Variants in TMEM114 observed in about 807,000 individuals in gnomAD.
The protein encoded by TMEM114 is claudin-26.
Under a neutral mutation model 6.2 loss-of-function variants are expected in TMEM114, and 6 were observed. That is an observed-to-expected ratio of 0.97 (90% CI 0.53 to 1.91). TMEM114 has a LOEUF of 1.91. Among genes scored for constraint, TMEM114 ranks in the 40% most tolerant of loss-of-function variants. TMEM114 has a pLI of 0.01. For synonymous variants in TMEM114, 104 were observed against 73.0 expected, an observed-to-expected ratio of 1.42 and a Z score of -2.16; for missense variants, 218 against 158.3, an observed-to-expected ratio of 1.38 and a Z score of -2.02.
At chr16:8,529,281 G>A in the TMEM114 span, among the ~76,000 whole-genome samples, 1 of 152,170 alleles carries the variant, frequency 6.6e-6, no homozygotes, top group Non-Finnish European at 1.5e-5. Context: ...AAAGTTGAGT[G>A]CAGCTATTCC....
intron 2 of TMEM114, among the ~76,000 whole-genome samples, chr16:8,548,861 G>C (rs978158547): frequency 1.3e-5 from 2 of 152,152 alleles, no homozygotes; most frequent in Non-Finnish European, 2.9e-5. Context: ...GAGTGAGAGA[G>C]AGAGATCCAG....
chr16:8,574,329 G>C (rs1031444576), intron 2 of TMEM114, among the ~76,000 whole-genome samples: 1 of 152,126 alleles, frequency 6.6e-6, no homozygotes. Flanking sequence ...GCAGTGTTGC[G>C]TCCCGTAGAG....
At chr16:8,542,820 TTCCCCACATCC>T (rs1900554433) in intron 2 of TMEM114, among the ~76,000 whole-genome samples, 3 of 152,172 alleles carry the variant, frequency 2.0e-5, no homozygotes, top group Admixed American at 2.0e-4. Context: ...CTCCCAGCTC[TTCCCCACATCC>T]TCCCTCTGCA....
At chr16:8,560,748 C>T (rs1174157920) in intron 2 of TMEM114, among the ~76,000 whole-genome samples, 2 of 152,150 alleles carry the variant, frequency 1.3e-5, no homozygotes, top group Non-Finnish European at 2.9e-5. Context: ...CTCACTATGT[C>T]TGGGATCCCC....
chr16:8,565,994 G>GGAACA (rs1901529893), downstream of TMEM114, among the ~76,000 whole-genome samples: 1 of 152,156 alleles, frequency 6.6e-6, no homozygotes, highest in African/African-American at 2.4e-5. Flanking sequence ...AAGACAGAAT[G>GGAACA]GAACAGAACA....
In TMEM114 at chr16:8,590,042, G is replaced by T. The variant is rs1226774411; in HGVS notation, c.-204C>A. 6 of 379,048 alleles carry T rather than the reference G, an allele frequency of 1.6e-5. No homozygotes were observed. Among genetic ancestry groups the T allele is most frequent in the East Asian group, 3.8e-5 (1 of 26,152 alleles). 23.5% of individuals were successfully genotyped at this position (379,048 alleles called of 1,614,324 possible). Reference sequence around the variant, plus strand: ...CACCTGCCGGCTCCGACCTGCACGCGCCCCCCGCTCAGCCGCCGTCCACGT... The same window carrying T: ...CACCTGCCGGCTCCGACCTGCACGCTCCCCCCGCTCAGCCGCCGTCCACGT... On this transcript the variant is annotated 5_prime_UTR_variant, in exon 1 of 4. Transcript: ENST00000620492.
At chr16:8,564,289 A>C (rs1436492701) in intron 2 of TMEM114, among the ~76,000 whole-genome samples, 5 of 123,354 alleles carry the variant, frequency 4.1e-5, no homozygotes, top group Admixed American at 2.5e-4. Flanking sequence ...GAGTGATGAA[A>C]TAAGTGAATG....
intron 2 of TMEM114, among the ~76,000 whole-genome samples, chr16:8,577,898 A>G (rs1267076228): frequency 6.6e-6 from 1 of 152,074 alleles, no homozygotes; most frequent in Non-Finnish European, 1.5e-5. Context: ...AAAGCACTGA[A>G]CTCAATCCTG....
At chr16:8,559,960 G>C (rs1201965225) in intron 2 of TMEM114, among the ~76,000 whole-genome samples, 2 of 152,132 alleles carry the variant, frequency 1.3e-5, no homozygotes, top group Non-Finnish European at 2.9e-5. Flanking sequence ...ACCGGGCTTT[G>C]CGTCTCTGTT....
chr16:8,544,763 G>A (rs1444168746), intron 2 of TMEM114, among the ~76,000 whole-genome samples: 1 of 152,170 alleles, frequency 6.6e-6, no homozygotes, highest in African/African-American at 2.4e-5. Context: ...TAAGTTCAGT[G>A]ATGCGTTTAA....
At chr16:8,553,203 C>T (rs1035033881) in intron 2 of TMEM114, among the ~76,000 whole-genome samples, 17 of 152,222 alleles carry the variant, frequency 1.1e-4, no homozygotes, top group Admixed American at 2.0e-4. Flanking sequence ...GGGGCATCAG[C>T]TCAGTGCCCC....
At chr16:8,530,582 G>A in the TMEM114 span, among the ~76,000 whole-genome samples, 4 of 151,980 alleles carry the variant, frequency 2.6e-5, no homozygotes, top group South Asian at 6.2e-4. Context: ...AGAGAGGAGA[G>A]AAAGAAAGCA....
the TMEM114 span, chr16:8,526,593 G>C: frequency 6.6e-6 from 1 of 152,186 alleles, no homozygotes; most frequent in South Asian, 2.0e-4. Flanking sequence ...CGATCAAGAT[G>C]AGAGTTCGGG....
chr16:8,556,632 G>C (rs1901018035), intron 2 of TMEM114, among the ~76,000 whole-genome samples: 1 of 151,964 alleles, frequency 6.6e-6, no homozygotes, highest in South Asian at 2.1e-4. Context: ...CTCCTGAATA[G>C]CTGGGATTAC....
At chr16:8,554,820 G>T (rs1478049170) in intron 2 of TMEM114, among the ~76,000 whole-genome samples, 1 of 152,168 alleles carries the variant, frequency 6.6e-6, no homozygotes, top group Non-Finnish European at 1.5e-5. Context: ...CTGAGGGTAG[G>T]CACTGATGTT....
At position 8,582,042 on chromosome 16, in the gene TMEM114, G is replaced by C. The variant is rs755860735; in HGVS notation, c.301+7171C>G. 5.3e-5 allele frequency among the ~76,000 whole-genome samples: 8 copies of C among 152,188 alleles called. No individual in the cohort carries two copies. In the South Asian group the frequency reaches 1.7e-3, roughly 32 times the overall value. Reference sequence around the variant, plus strand: ...GCAATTTGCACCAGGCATCGTGGGTGGGCTGGTTTTAATTGTCCATGTCAC... The same window carrying C: ...GCAATTTGCACCAGGCATCGTGGGTCGGCTGGTTTTAATTGTCCATGTCAC... On this transcript the variant is annotated intron_variant, in intron 2 of 3. Transcript: ENST00000620492.
chr16:8,541,428 T>A (rs1384372271), intron 2 of TMEM114, among the ~76,000 whole-genome samples: 1 of 151,742 alleles, frequency 6.6e-6, no homozygotes, highest in Non-Finnish European at 1.5e-5. Context: ...TAAAAAAAAA[T>A]GAAAGCACTT....
intron 2 of TMEM114, among the ~76,000 whole-genome samples, chr16:8,558,343 T>A (rs572720179): frequency 1.2e-3 from 190 of 152,278 alleles, no homozygotes; most frequent in African/African-American, 4.2e-3. Flanking sequence ...CTTTGCCTAT[T>A]CCAGCTCCTG....
At chr16:8,529,482 G>C in the TMEM114 span, among the ~76,000 whole-genome samples, 1 of 152,150 alleles carries the variant, frequency 6.6e-6, no homozygotes, top group Non-Finnish European at 1.5e-5. Flanking sequence ...AAGTGGACAG[G>C]GAGTGTTTCT....
Sources: gnomAD v4.1 joint callset for allele counts (sites outside exome capture counted in the v4.1 genomes callset) on GRCh38, gnomAD v4.1.1 for gene constraint, MANE v1.5 for transcripts, NCBI Gene and HGNC (gene_info 2026-07-23, HGNC 2026-07-21) for gene names.